CARMIL1: variants seen among roughly 807,000 people sequenced by gnomAD.
The protein encoded by CARMIL1 is capping protein regulator and myosin 1 linker 1.
A neutral mutation model predicts 177.1 loss-of-function variants in CARMIL1; 90 were observed. That is an observed-to-expected ratio of 0.51 (90% CI 0.43 to 0.61). The LOEUF is 0.61. Among genes scored for constraint, CARMIL1 ranks in the 20% least tolerant of loss-of-function variants. CARMIL1 has a pLI of 0.00. For missense variants in CARMIL1, 1,380 were observed against 1,667.0 expected (o/e 0.83, Z 3.00); for synonymous variants, 577 against 606.2 (o/e 0.95, Z 0.71).
At chr6:25,576,554 T>C (rs1453004704) in intron 29 of CARMIL1, among the ~76,000 whole-genome samples, 1 of 152,192 alleles carries the variant, frequency 6.6e-6, no homozygotes, top group Non-Finnish European at 1.5e-5. Flanking sequence ...AGACTGGTCC[T>C]GTGGTCCAGG....
At chr6:25,329,155 T>G (rs1022324785) in intron 2 of CARMIL1, among the ~76,000 whole-genome samples, 1 of 152,160 alleles carries the variant, frequency 6.6e-6, no homozygotes, top group African/African-American at 2.4e-5. Flanking sequence ...AAAATTGATG[T>G]TGGTTCCCAA....
rs950278338 is a variant in CARMIL1 at position 25,326,845 on chromosome 6, G to GT, written c.138+41936_138+41937insT. On this transcript the variant is annotated intron_variant, in intron 2 of 36. Coordinates refer to ENST00000329474, the MANE Select transcript of CARMIL1 (RefSeq NM_017640.6). The surrounding 1 kb of genome is among the most constrained non-coding windows in gnomAD (Gnocchi z 4.2). The stretch of plus-strand genomic sequence containing the variant: ...TTATTATTATTAATGTTTCAAGACG[G>GT]AATCCCACTGTCACCCAGGCTGGAG... 3.5e-4 allele frequency among the ~76,000 whole-genome samples: 54 copies of GT among 152,180 alleles called. No individual in the cohort carries two copies. The highest frequency in any genetic ancestry group is 1.2e-3 in the African/African-American group (51 of 41,506).
At chr6:25,520,484 A>G (rs1474549764) in intron 23 of CARMIL1, 147 bp downstream of exon 23, 1 of 543,010 alleles carries the variant, frequency 1.8e-6, no homozygotes, top group Non-Finnish European at 3.3e-6. Flanking sequence ...TCTTATGACC[A>G]CAACTGGGGT....
chr6:25,281,136 G>GCGCGCA (rs10642536), intron 1 of CARMIL1, among the ~76,000 whole-genome samples: 11,425 of 131,752 alleles, frequency 0.087, 546 homozygotes, highest in East Asian at 0.17. Context: ...GTGCGCGCGC[G>GCGCGCA]CACACACACA....
At position 25,492,308 on chromosome 6, in the gene CARMIL1, C is replaced by A. The variant is rs139014946; in HGVS notation, c.1220+284C>A. ...CAATCTGTCTTAATATGGGAAAAAC[C>A]CTTTTAGAAACTTTTATAGGTATTT... On this transcript the variant is annotated intron_variant, in intron 15 of 36. Coordinates refer to ENST00000329474, the MANE Select transcript of CARMIL1 (RefSeq NM_017640.6). Among the ~76,000 whole-genome samples the A allele has an allele frequency of 3.5e-4, 53 of 152,174 alleles. No homozygotes were observed. The East Asian group carries it at 9.3e-3, about 27-fold the overall frequency.
intron 2 of CARMIL1, among the ~76,000 whole-genome samples, chr6:25,305,283 A>C (rs1465572681): frequency 6.6e-6 from 1 of 152,202 alleles, no homozygotes; most frequent in Non-Finnish European, 1.5e-5. Context: ...GGGGCTGAAA[A>C]AGCCTTTTTC....
rs377456616 is a variant in CARMIL1, at chr6:25,296,924, T to TCTATCTATCTATCTATCTAA, written c.138+12025_138+12026insATCTATCTAACTATCTATCT. On this transcript the variant is annotated intron_variant, in intron 2 of 36. Transcript: ENST00000329474. ...ATCTATCTATCTATCTATCTATCTA[T>TCTATCTATCTATCTATCTAA]CTATCTATCTTTAACTAACTAACTA... Among the ~76,000 whole-genome samples, 412 of 64,454 alleles carry TCTATCTATCTATCTATCTAA rather than the reference T, an allele frequency of 6.4e-3. 3 individuals carry two copies. The highest frequency in any genetic ancestry group is 0.02 in the Middle Eastern group (2 of 102). The allele number at this position is 64,454 out of a possible 152,430, so 42.3% of individuals were successfully genotyped here.
chr6:25,435,390 A>T (rs1021448553), intron 4 of CARMIL1, 93 bp from the exon 5 acceptor site: 26 of 1,404,088 alleles, frequency 1.9e-5, no homozygotes, highest in Non-Finnish European at 2.4e-5. Context: ...ATTAGTATAT[A>T]TCTGTGTGAC....
chr6:25,537,626 T>G (rs1013013463), intron 24 of CARMIL1, among the ~76,000 whole-genome samples: 3 of 152,172 alleles, frequency 2.0e-5, no homozygotes, highest in African/African-American at 7.2e-5. Flanking sequence ...TGCCTTCAAT[T>G]TTTTTCTGGC....
rs115067799 is a variant in CARMIL1, at chr6:25,487,470, A to G, written c.962-1012A>G. Among the ~76,000 whole-genome samples the G allele has an allele frequency of 1.5e-3, 221 of 152,360 alleles. 1 individual carries two copies. The highest frequency in any genetic ancestry group is 4.4e-3 in the African/African-American group (183 of 41,582). On this transcript the variant is annotated intron_variant, in intron 12 of 36. Transcript: ENST00000329474. ...TCAAAAAATTTTGCTGAAAAATAAG[A>G]AAAACAAAATAATTTATAAAAGGAT...
chr6:25,310,010 C>A (rs1783654465), intron 2 of CARMIL1, among the ~76,000 whole-genome samples: 1 of 152,042 alleles, frequency 6.6e-6, no homozygotes, highest in Non-Finnish European at 1.5e-5. Context: ...CCTCATGATC[C>A]ACCCGCCTCT....
At chr6:25,332,787 A>ACACACGCATACACACACACG (rs1554165998) in intron 2 of CARMIL1, among the ~76,000 whole-genome samples, 1 of 146,690 alleles carries the variant, frequency 6.8e-6, no homozygotes, top group African/African-American at 2.5e-5. Context: ...ACACACACAC[A>ACACACGCATACACACACACG]CACACTTCTT....
intron 1 of CARMIL1, among the ~76,000 whole-genome samples, chr6:25,281,829 A>T (rs1218971973): frequency 6.6e-6 from 1 of 152,104 alleles, no homozygotes; most frequent in Non-Finnish European, 1.5e-5. Context: ...AGTGTTACAG[A>T]CTTGGCTGAG....
At chr6:25,286,681 C>T (rs1057015420) in intron 2 of CARMIL1, among the ~76,000 whole-genome samples, 14 of 152,082 alleles carry the variant, frequency 9.2e-5, no homozygotes, top group South Asian at 2.1e-4. Flanking sequence ...TTCTCTACAA[C>T]TTAAATATAA....
intron 2 of CARMIL1, among the ~76,000 whole-genome samples, chr6:25,411,590 T>C (rs1050195947): frequency 3.3e-5 from 5 of 152,232 alleles, no homozygotes; most frequent in Admixed American, 2.0e-4. Flanking sequence ...TATGCTTTGA[T>C]AACACCTTAC....
chr6:25,559,824 C>G (rs1359622796), intron 29 of CARMIL1, among the ~76,000 whole-genome samples: 1 of 152,116 alleles, frequency 6.6e-6, no homozygotes, highest in Non-Finnish European at 1.5e-5. Flanking sequence ...TCTGGGAACC[C>G]TTTTGTCCCC....
At chr6:25,478,645 A>G (rs1801803566) in intron 11 of CARMIL1, among the ~76,000 whole-genome samples, 1 of 151,996 alleles carries the variant, frequency 6.6e-6, no homozygotes. Flanking sequence ...AAATACAAAA[A>G]ATTAGCCGAG....
At chr6:25,525,796 A>C (rs1464037618) in intron 23 of CARMIL1, among the ~76,000 whole-genome samples, 2 of 152,246 alleles carry the variant, frequency 1.3e-5, no homozygotes, top group Admixed American at 6.5e-5. Flanking sequence ...ACAAACACTA[A>C]AAACTTTTTT....
Position 25,554,283 on chromosome 6 carries a change from T to G in CARMIL1, c.2592+187T>G, listed in dbSNP as rs754140977. ...TAGCCATTCTGGAGCATGTTAGAAC[T>G]TCTCCAGAGGGAATGATAAGGGAAA... On this transcript the variant is annotated intron_variant, in intron 28 of 36. Transcript: ENST00000329474. The surrounding 1 kb of genome is among the most constrained non-coding windows in gnomAD (Gnocchi z 4.6). Among the ~76,000 whole-genome samples the G allele has an allele frequency of 2.0e-5, 3 of 152,216 alleles. No homozygotes were observed. The highest frequency in any genetic ancestry group is 4.8e-5 in the African/African-American group (2 of 41,456).
Sources: gnomAD v4.1 joint callset for allele counts (sites outside exome capture counted in the v4.1 genomes callset) on GRCh38, gnomAD v4.1.1 for gene constraint, Gnocchi (gnomAD v3.1) non-coding constraint, MANE v1.5 for transcripts, NCBI Gene and HGNC (gene_info 2026-07-23, HGNC 2026-07-21) for gene names.